The following PCSK2 variants were observed in gnomAD, a reference collection of about 807,000 sequenced individuals.
PCSK2 encodes proprotein convertase subtilisin/kexin type 2.
In PCSK2, 14 loss-of-function variants were observed where a neutral mutation model predicts 69.7. The observed-to-expected ratio is 0.20, with a 90% CI of 0.13 to 0.31. PCSK2 has a LOEUF of 0.31. Ranked by LOEUF, PCSK2 falls within the 10% of genes least tolerant of loss-of-function variation. The pLI is 1.00. For missense variants in PCSK2, 544 were observed against 842.5 expected, an observed-to-expected ratio of 0.65 and a Z score of 4.39; for synonymous variants, 307 against 320.7, an observed-to-expected ratio of 0.96 and a Z score of 0.46.
chr20:17,366,683 T>C (rs978055215), intron 4 of PCSK2, among the ~76,000 whole-genome samples: 3 of 152,246 alleles, frequency 2.0e-5, no homozygotes, highest in African/African-American at 7.2e-5. Flanking sequence ...CATTATTACT[T>C]TTTCCGAATC....
intron 6 of PCSK2, among the ~76,000 whole-genome samples, chr20:17,426,957 C>A (rs184913066): frequency 6.6e-6 from 1 of 152,112 alleles, no homozygotes; most frequent in Non-Finnish European, 1.5e-5. Context: ...TGAAATTAAC[C>A]GTTACAATTT....
intron 10 of PCSK2, chr20:17,463,664 C>G (rs935911745): frequency 8.9e-5 from 13 of 146,590 alleles, no homozygotes; most frequent in Admixed American, 4.8e-4. Flanking sequence ...CCCATCCCCC[C>G]ACCCCCCACA....
At position 17,325,010 on chromosome 20, in the gene PCSK2, T is replaced by C. The variant is rs1989998675; in HGVS notation, c.283-33317T>C. On this transcript the variant is annotated intron_variant, in intron 2 of 11. Coordinates refer to ENST00000262545, the MANE Select transcript of PCSK2 (RefSeq NM_002594.5). The stretch of plus-strand genomic sequence containing the variant: ...TAGAAGGCTCCCCTCTTCTGCCCAG[T>C]CAAACTCCTCTTGGCTGCAGAATTC... Among the ~76,000 whole-genome samples the C allele has an allele frequency of 2.0e-5, 3 of 152,122 alleles. 1 individual carries two copies. The highest frequency in any genetic ancestry group is 4.1e-4 in the South Asian group (2 of 4,834).
chr20:17,371,444 G>T (rs1439857323), intron 5 of PCSK2, among the ~76,000 whole-genome samples: 1 of 152,210 alleles, frequency 6.6e-6, no homozygotes, highest in Non-Finnish European at 1.5e-5. Context: ...GCTCCTCTGA[G>T]ATCTGCAATA....
chr20:17,328,631 G>A (rs80005007), intron 2 of PCSK2, among the ~76,000 whole-genome samples: 296 of 152,150 alleles, frequency 1.9e-3, no homozygotes, highest in Middle Eastern at 0.01. Flanking sequence ...TATGGTAAAC[G>A]GAAGAGGAGA....
chr20:17,346,106 A>G (rs112987290), intron 2 of PCSK2, among the ~76,000 whole-genome samples: 24 of 152,324 alleles, frequency 1.6e-4, no homozygotes, highest in African/African-American at 5.8e-4. Context: ...ATCCAGACAC[A>G]TCCCCACCCA....
At chr20:17,258,454 C>A (rs570852813) in intron 1 of PCSK2, among the ~76,000 whole-genome samples, 1 of 152,090 alleles carries the variant, frequency 6.6e-6, no homozygotes, top group Non-Finnish European at 1.5e-5. Context: ...TTCCCCACCC[C>A]AACACACAGC....
At chr20:17,404,421 G>A (rs1459084733) in intron 5 of PCSK2, among the ~76,000 whole-genome samples, 2 of 152,216 alleles carry the variant, frequency 1.3e-5, no homozygotes, top group African/African-American at 2.4e-5. Flanking sequence ...AAGAACTAGA[G>A]GACGGTGACT....
At chr20:17,362,647 GAGA>G (rs2030438489) in intron 4 of PCSK2, among the ~76,000 whole-genome samples, 1 of 152,234 alleles carries the variant, frequency 6.6e-6, no homozygotes, top group Non-Finnish European at 1.5e-5. Flanking sequence ...CCTTCCAAAA[GAGA>G]AGAAGCAGAA....
chr20:17,479,042 C>A, intron 11 of PCSK2: 1 of 1,099,900 alleles, frequency 9.1e-7, no homozygotes, highest in Non-Finnish European at 1.4e-6. Context: ...GATACACTGA[C>A]AAATTCTTAA....
At chr20:17,254,805 C>T (rs1323576347) in intron 1 of PCSK2, among the ~76,000 whole-genome samples, 1 of 152,192 alleles carries the variant, frequency 6.6e-6, no homozygotes, top group Non-Finnish European at 1.5e-5. Context: ...AATCCGTGAA[C>T]ATGAGATGCT....
At chr20:17,298,375 C>T (rs1172294582) in intron 2 of PCSK2, among the ~76,000 whole-genome samples, 1 of 152,042 alleles carries the variant, frequency 6.6e-6, no homozygotes, top group Non-Finnish European at 1.5e-5. Context: ...GGACACTTGG[C>T]AATGTTGGGA....
chr20:17,466,365 C>T (rs2269032), intron 11 of PCSK2, among the ~76,000 whole-genome samples: 125,907 of 152,222 alleles, frequency 0.83, 52,418 homozygotes, highest in African/African-American at 0.89. Context: ...TGTGTACTTA[C>T]AGCTTTTCTC....
chr20:17,270,981 A>C (rs1309498590), intron 2 of PCSK2, among the ~76,000 whole-genome samples: 4 of 152,108 alleles, frequency 2.6e-5, no homozygotes, highest in Non-Finnish European at 5.9e-5. Flanking sequence ...CTGAGGTCCT[A>C]AATCTGAGAT....
Position 17,429,481 on chromosome 20 carries a change from A to T in PCSK2, c.667A>T (p.Asn223Tyr), listed in dbSNP as rs764606116. The T allele has an allele frequency of 2.5e-6, 4 of 1,613,774 alleles. No homozygotes were observed. The highest frequency in any genetic ancestry group is 3.4e-6 in the Non-Finnish European group (4 of 1,179,890). Residue 223 changes from asparagine (N) to tyrosine (Y), a missense_variant, in exon 7 of 12, where the codon AAT (asparagine) becomes TAT (tyrosine). Transcript: ENST00000262545. ...AGAAGTTTCTGCTGCCGCCAACAACAATATCTGTGGAGTTGGAGTAGCATA... is the reference window on the plus strand; with the variant it reads ...AGAAGTTTCTGCTGCCGCCAACAACTATATCTGTGGAGTTGGAGTAGCATA... ...AGEVSAAANN[N>Y]ICGVGVAYNS...
chr20:17,277,891 C>T (rs1229431135), intron 2 of PCSK2, among the ~76,000 whole-genome samples: 1 of 151,922 alleles, frequency 6.6e-6, no homozygotes, highest in South Asian at 2.1e-4. Context: ...CAAACAACCC[C>T]ATCAAAAAGT....
intron 1 of PCSK2, among the ~76,000 whole-genome samples, chr20:17,239,364 A>AAG (rs1204053672): frequency 2.0e-5 from 3 of 152,210 alleles, no homozygotes; most frequent in Non-Finnish European, 2.9e-5. Context: ...ATGGGAGACC[A>AAG]AGAGAGACCT....
intron 11 of PCSK2, among the ~76,000 whole-genome samples, chr20:17,477,213 T>C (rs2033306709): frequency 6.6e-6 from 1 of 152,258 alleles, no homozygotes; most frequent in African/African-American, 2.4e-5. Flanking sequence ...AAGATGTGTG[T>C]TTAAAAATAT....
chr20:17,380,451 G>A (rs566965424), intron 5 of PCSK2, among the ~76,000 whole-genome samples: 5 of 152,314 alleles, frequency 3.3e-5, no homozygotes, highest in African/African-American at 1.2e-4. Flanking sequence ...TCTTGGGCCA[G>A]CCTCGCTGAA....
Sources: gnomAD v4.1 joint callset for allele counts (sites outside exome capture counted in the v4.1 genomes callset) on GRCh38, gnomAD v4.1.1 for gene constraint, MANE v1.5 for transcripts, NCBI Gene and HGNC (gene_info 2026-07-23, HGNC 2026-07-21) for gene names.